Variants in ST8SIA1 observed in about 807,000 individuals in gnomAD.
ST8SIA1 encodes ST8 alpha-N-acetyl-neuraminide alpha-2,8-sialyltransferase 1, also known as alpha-N-acetylneuraminide alpha-2,8-sialyltransferase.
ST8SIA1 carries 16 observed loss-of-function variants against 35.9 expected under a neutral mutation model. The observed-to-expected ratio is 0.45, with a 90% CI of 0.30 to 0.68. The LOEUF is 0.68. Ranked by LOEUF, ST8SIA1 falls within the 30% of genes least tolerant of loss-of-function variation. The pLI is 0.09. For synonymous variants in ST8SIA1, 170 were observed against 169.6 expected (o/e 1.00, Z -0.02); for missense variants, 383 against 453.6 (o/e 0.84, Z 1.41).
intron 3 of ST8SIA1, 24 bp downstream of exon 3, chr12:22,255,256 C>G (rs772758773): frequency 6.3e-7 from 1 of 1,595,676 alleles, no homozygotes; most frequent in Non-Finnish European, 8.6e-7. Context: ...AGGCAGAGGC[C>G]GCGCTGTGGG....
chr12:22,314,212 TC>T (rs1390040975), intron 1 of ST8SIA1, among the ~76,000 whole-genome samples: 1 of 152,058 alleles, frequency 6.6e-6, no homozygotes, highest in Non-Finnish European at 1.5e-5. Flanking sequence ...TCCCCCTCCT[TC>T]CTCCATGCTC....
In ST8SIA1 at chr12:22,250,093, C is replaced by A. The variant is rs537442620; in HGVS notation, c.492-995G>T. On this transcript the variant is annotated intron_variant, in intron 3 of 4. Coordinates refer to ENST00000396037, the MANE Select transcript of ST8SIA1 (RefSeq NM_003034.4). Reference sequence around the variant, plus strand: ...GATGTTTCCCTGGTGATGGGAACAGCCACCCCACTCCCACTCCCAAAACCC... The same window carrying A: ...GATGTTTCCCTGGTGATGGGAACAGACACCCCACTCCCACTCCCAAAACCC... Among the ~76,000 whole-genome samples the A allele has an allele frequency of 3.9e-5, 6 of 152,228 alleles. No individual in the cohort carries two copies. The South Asian group carries it at 1.0e-3, about 26-fold the overall frequency.
intron 4 of ST8SIA1, among the ~76,000 whole-genome samples, chr12:22,203,887 G>A (rs990010013): frequency 6.6e-6 from 1 of 152,144 alleles, no homozygotes; most frequent in Non-Finnish European, 1.5e-5. Context: ...AACCCAGAGA[G>A]TTCACTAATA....
chr12:22,289,350 C>T (rs1217346256), intron 1 of ST8SIA1, among the ~76,000 whole-genome samples: 2 of 152,160 alleles, frequency 1.3e-5, no homozygotes, highest in East Asian at 1.9e-4. Context: ...AGGCTTAGAG[C>T]GGTTCCAGGA....
intron 3 of ST8SIA1, among the ~76,000 whole-genome samples, chr12:22,252,424 C>A (rs1228084325): frequency 2.0e-5 from 3 of 152,134 alleles, no homozygotes; most frequent in Admixed American, 6.5e-5. Context: ...AATAGATCTG[C>A]AAATGGTCAA....
chr12:22,282,456 C>T (rs1343257720), intron 2 of ST8SIA1, among the ~76,000 whole-genome samples: 1 of 152,206 alleles, frequency 6.6e-6, no homozygotes, highest in African/African-American at 2.4e-5. Flanking sequence ...GCCCATGTGA[C>T]TCATTCCTGA....
intron 4 of ST8SIA1, among the ~76,000 whole-genome samples, chr12:22,211,435 C>G (rs1480580771): frequency 6.6e-6 from 1 of 152,156 alleles, no homozygotes; most frequent in Non-Finnish European, 1.5e-5. Flanking sequence ...TAGGGGCTGT[C>G]AACCATGATT....
rs1252726827 is a variant in ST8SIA1, at chr12:22,321,100, CAGACACACCAGGCACT to C, written c.236+12881_236+12896del. Among the ~76,000 whole-genome samples the C allele has an allele frequency of 9.9e-5, 15 of 151,828 alleles. No homozygotes were observed. In the South Asian group the frequency reaches 1.9e-3, roughly 19 times the overall value. Reference sequence around the variant, plus strand: ...ACCAGACACCAGACACACCAGGCACCAGACACACCAGGCACTAGACACACCAGGCACTGCACTCCTG... The same window carrying C: ...ACCAGACACCAGACACACCAGGCACCAGACACACCAGGCACTGCACTCCTG... On this transcript the variant is annotated intron_variant, in intron 1 of 4. Transcript: ENST00000396037.
At chr12:22,330,908 A>C (rs113767512) in intron 1 of ST8SIA1, among the ~76,000 whole-genome samples, 16 of 152,334 alleles carry the variant, frequency 1.1e-4, no homozygotes, top group African/African-American at 3.8e-4. Flanking sequence ...CCACAGTATC[A>C]CTTAATCAAA....
intron 1 of ST8SIA1, among the ~76,000 whole-genome samples, chr12:22,297,804 G>A (rs142436601): frequency 5.3e-5 from 8 of 152,094 alleles, no homozygotes; most frequent in East Asian, 3.9e-4. Context: ...TAAAATCCTC[G>A]GAAACTCAAA....
chr12:22,209,152 C>T, intron 4 of ST8SIA1, among the ~76,000 whole-genome samples: 1 of 152,000 alleles, frequency 6.6e-6, no homozygotes, highest in East Asian at 1.9e-4. Flanking sequence ...TTTAAAGAGA[C>T]AAGCAGCAGA....
intron 4 of ST8SIA1, among the ~76,000 whole-genome samples, chr12:22,222,452 AAAG>A (rs1391045810): frequency 6.6e-6 from 1 of 152,212 alleles, no homozygotes. Flanking sequence ...TCTAATACTT[AAAG>A]AAGTGAGAGA....
intron 4 of ST8SIA1, among the ~76,000 whole-genome samples, chr12:22,222,898 T>C (rs1050213859): frequency 2.6e-5 from 4 of 152,136 alleles, no homozygotes; most frequent in Non-Finnish European, 4.4e-5. Context: ...GTGCTACCTC[T>C]AGTATTTCAT....
chr12:22,249,967 G>T (rs889201629), intron 3 of ST8SIA1, among the ~76,000 whole-genome samples: 2 of 152,066 alleles, frequency 1.3e-5, no homozygotes, highest in Admixed American at 6.6e-5. Flanking sequence ...TGTGTGTGTG[G>T]CCAATGGGTA....
intron 3 of ST8SIA1, chr12:22,250,922 G>C (rs1302137219): frequency 3.3e-5 from 5 of 152,338 alleles, no homozygotes; most frequent in Non-Finnish European, 7.3e-5. Context: ...GGGGGCCTTG[G>C]GGGTGGAGCC....
In ST8SIA1 at chr12:22,285,386, C is replaced by T. The variant is rs539020666; in HGVS notation, c.381+1763G>A. On this transcript the variant is annotated intron_variant, in intron 2 of 4. Coordinates refer to ENST00000396037, the MANE Select transcript of ST8SIA1 (RefSeq NM_003034.4). Reference sequence around the variant, plus strand: ...TTTGGCTCCCATTTCTCCATTCTTCCAATGATTTTTTTAAATGCCAAATTC... The same window carrying T: ...TTTGGCTCCCATTTCTCCATTCTTCTAATGATTTTTTTAAATGCCAAATTC... 8.5e-5 allele frequency among the ~76,000 whole-genome samples: 13 copies of T among 152,224 alleles called. No individual in the cohort carries two copies. The East Asian group carries it at 2.5e-3, about 29-fold the overall frequency.
intron 4 of ST8SIA1, among the ~76,000 whole-genome samples, chr12:22,244,849 C>G (rs1163215996): frequency 1.3e-5 from 2 of 152,224 alleles, no homozygotes; most frequent in Non-Finnish European, 2.9e-5. Flanking sequence ...ATCTAATTAT[C>G]CCAACATCAT....
chr12:22,223,427 C>A (rs1203925586), intron 4 of ST8SIA1: 5 of 771,148 alleles, frequency 6.5e-6, no homozygotes, highest in Non-Finnish European at 7.9e-6. Context: ...TTCCTGTAGT[C>A]CAAAGTGGAA....
intron 1 of ST8SIA1, among the ~76,000 whole-genome samples, chr12:22,306,800 T>C (rs1866389426): frequency 6.6e-6 from 1 of 152,098 alleles, no homozygotes; most frequent in African/African-American, 2.4e-5. Flanking sequence ...GCCCTCTCTT[T>C]TATATTTCTC....
Sources: allele counts gnomAD v4.1 joint callset (sites outside exome capture counted in the v4.1 genomes callset), GRCh38; gene constraint gnomAD v4.1.1; transcripts MANE v1.5; gene names NCBI Gene and HGNC (gene_info 2026-07-23, HGNC 2026-07-21).